The following ZNF469 variants were observed in gnomAD, a reference collection of about 807,000 sequenced individuals.
ZNF469 encodes the protein zinc finger protein 469.
ZNF469 carries 1 observed loss-of-function variant against 1.0 expected under a neutral mutation model. The observed-to-expected ratio is 1.00, with a 90% CI of 0.35 to 4.73. The LOEUF (loss-of-function observed/expected upper bound fraction) is 4.73, where lower values mean the gene tolerates loss of function less well. ZNF469 is among the 30% of genes most tolerant of loss of function. The pLI, the probability that ZNF469 is intolerant of heterozygous loss-of-function variation, is 0.16. For missense variants in ZNF469, 6,100 were observed against 5,356.3 expected (o/e 1.14, Z -4.33); for synonymous variants, 2,703 against 2,363.4 (o/e 1.14, Z -4.17).
chr16:88,158,911 A>C, the ZNF469 span, among the ~76,000 whole-genome samples: 1 of 152,006 alleles, frequency 6.6e-6, no homozygotes, highest in East Asian at 1.9e-4. Flanking sequence ...GCCTTCCGAC[A>C]TCCTCCTTCC....
chr16:88,336,531 C>T, the ZNF469 span, among the ~76,000 whole-genome samples: 24 of 149,160 alleles, frequency 1.6e-4, no homozygotes, highest in African/African-American at 5.0e-4. Context: ...TCATCCTTCA[C>T]GTGAGACACT....
At chr16:88,353,905 G>A in the ZNF469 span, among the ~76,000 whole-genome samples, 294 of 152,292 alleles carry the variant, frequency 1.9e-3, no homozygotes, top group African/African-American at 6.6e-3. Flanking sequence ...CCCTGCTGTT[G>A]GCCTCTAGGC....
At chr16:88,311,966 A>G in the ZNF469 span, among the ~76,000 whole-genome samples, 8 of 152,212 alleles carry the variant, frequency 5.3e-5, no homozygotes, top group Non-Finnish European at 1.0e-4. Flanking sequence ...TGGGTAATTT[A>G]TAAAGGAAAG....
rs988457783 is a variant in ZNF469 at position 88,439,253 on chromosome 16, A to T, written c.11783A>T (p.Gln3928Leu). 3.2e-6 allele frequency: 5 copies of T among 1,550,404 alleles called. No individual in the cohort carries two copies. The African/African-American group carries it at 6.8e-5, about 21-fold the overall frequency. The change falls in exon 3 of 3, where the codon CAG becomes CTG. Residue 3928 changes from glutamine to leucine, a missense_variant. Transcript: ENST00000565624. ...CACACCCACCGGACGGCCGAGGCCC[A>T]GAGTGACCTCCTCAGCCAGCTCTTC... ...EPHTHRTAEA[Q>L]SDLLSQLFGQ... is the part of the protein sequence containing the mutation.
the ZNF469 span, among the ~76,000 whole-genome samples, chr16:88,159,780 G>A: frequency 2.0e-5 from 3 of 152,234 alleles, no homozygotes; most frequent in Middle Eastern, 3.4e-3. Flanking sequence ...ACAGACACAT[G>A]GGCAGCCATC....
In ZNF469 at chr16:88,429,340, C is replaced by G. The variant is rs759028761; in HGVS notation, c.1870C>G (p.Gln624Glu). The G allele has an allele frequency of 1.3e-6, 2 of 1,549,832 alleles. No homozygotes were observed. Among genetic ancestry groups the G allele is most frequent in the African/African-American group, 2.7e-5 (2 of 73,024 alleles). ...SPANPSSEES[Q>E]LPGPLGPSAF... ...AGCCAACCCCAGCTCAGAGGAAAGC[C>G]AGCTCCCCGGCCCCCTCGGGCCCTC... The change falls in exon 3 of 3, where the codon CAG (glutamine) becomes GAG (glutamate). Residue 624 changes from glutamine to glutamate, a missense_variant. By Grantham distance (29) the Gln-to-Glu change is conservative. Transcript: ENST00000565624.
the ZNF469 span, among the ~76,000 whole-genome samples, chr16:88,170,748 G>A: frequency 1.4e-4 from 22 of 152,284 alleles, no homozygotes; most frequent in African/African-American, 5.3e-4. The surrounding 1 kb of genome is among the most constrained non-coding windows in gnomAD (Gnocchi z 4.2). Flanking sequence ...TCTCAATGTT[G>A]TACTGATTTC....
the ZNF469 span, among the ~76,000 whole-genome samples, chr16:88,173,211 AAGC>A: frequency 1.1e-4 from 16 of 152,304 alleles, no homozygotes; most frequent in African/African-American, 3.6e-4. Context: ...GAAATCTTAG[AAGC>A]AGCCAGATAA....
At chr16:88,327,145 C>T in the ZNF469 span, among the ~76,000 whole-genome samples, 338 of 152,316 alleles carry the variant, frequency 2.2e-3, 2 homozygotes, top group African/African-American at 7.6e-3. Context: ...CAAATAGTGT[C>T]CCTCGTACTG....
At chr16:88,392,749 A>C (rs1301856071) in intron 1 of ZNF469, among the ~76,000 whole-genome samples, 1 of 152,158 alleles carries the variant, frequency 6.6e-6, no homozygotes, top group Non-Finnish European at 1.5e-5. Context: ...TGCTCTTGCT[A>C]TTCATCTCCA....
the ZNF469 span, among the ~76,000 whole-genome samples, chr16:88,186,631 C>T: frequency 1.2e-3 from 178 of 152,248 alleles, no homozygotes; most frequent in African/African-American, 4.0e-3. Context: ...GCTCCCAAAG[C>T]GCAGCGGGCC....
At chr16:88,376,849 G>A in the ZNF469 span, among the ~76,000 whole-genome samples, 4 of 152,320 alleles carry the variant, frequency 2.6e-5, no homozygotes, top group South Asian at 8.3e-4. Context: ...AGGGCAGCCA[G>A]GAAGTGCAGG....
At chr16:88,300,056 C>A in the ZNF469 span, among the ~76,000 whole-genome samples, 10 of 152,180 alleles carry the variant, frequency 6.6e-5, no homozygotes, top group Non-Finnish European at 1.5e-4. Context: ...GAGGAAGGAA[C>A]GGGAGAAGGG....
the ZNF469 span, among the ~76,000 whole-genome samples, chr16:88,305,625 C>T: frequency 6.7e-6 from 1 of 149,872 alleles, no homozygotes; most frequent in African/African-American, 2.4e-5. Flanking sequence ...CCCTCACGTG[C>T]ACACACATTC....
the ZNF469 span, chr16:88,177,404 C>T: frequency 6.6e-6 from 1 of 152,372 alleles, no homozygotes; most frequent in Admixed American, 6.5e-5. This position sits in a 1 kb window ranked among gnomAD's most constrained non-coding sequence, Gnocchi z 4.8. Flanking sequence ...AGTCCTCACC[C>T]CCCACTGGCA....
chr16:88,436,282 T>C lies in ZNF469; in HGVS notation c.8812T>C (p.Phe2938Leu). ...GGATCCCGCAGGTCTGCCCGAGTCC[T>C]TCCTCCTGGATGGGTTCCTCAATAG... ...DEDPAGLPES[F>L]LLDGFLNSRV... Residue 2938 changes from phenylalanine (F) to leucine (L), a missense_variant, in exon 3 of 3, where the codon TTC becomes CTC. By Grantham distance (22) the Phe-to-Leu change is conservative. Transcript: ENST00000565624. 1 of 1,550,000 alleles carries C rather than the reference T, an allele frequency of 6.5e-7. No individual in the cohort carries two copies. Among genetic ancestry groups the C allele is most frequent in the Non-Finnish European group, 8.7e-7 (1 of 1,146,842 alleles).
At chr16:88,390,877 G>A (rs1904474481) in intron 1 of ZNF469, among the ~76,000 whole-genome samples, 1 of 152,248 alleles carries the variant, frequency 6.6e-6, no homozygotes, top group South Asian at 2.1e-4. Flanking sequence ...AAAGGAAGCA[G>A]CATAGGCAAA....
chr16:88,270,225 C>T, the ZNF469 span, among the ~76,000 whole-genome samples: 1 of 152,214 alleles, frequency 6.6e-6, no homozygotes, highest in Non-Finnish European at 1.5e-5. Flanking sequence ...GCTCCCCACC[C>T]TGGGCCCAGG....
rs1229855515 is a variant in ZNF469 at position 88,437,316 on chromosome 16, A to T, written c.9846A>T (p.Pro3282=). Residue 3282 remains proline (P), a synonymous_variant, in exon 3 of 3, where the codon CCA becomes CCT. Transcript: ENST00000565624. ...GGGCACGCAGCACCCCCAGCAACCCAGACGGGGCCGCGACCCCAGACAGCG... is the reference window on the plus strand; with the variant it reads ...GGGCACGCAGCACCCCCAGCAACCCTGACGGGGCCGCGACCCCAGACAGCG... The part of the protein sequence containing the change: ...KPRARSTPSN[P]DGAATPDSAS... 14 of 1,547,248 alleles carry T rather than the reference A, an allele frequency of 9.0e-6. No homozygotes were observed. The South Asian group carries it at 1.5e-4, about 17-fold the overall frequency.
Sources: allele counts gnomAD v4.1 joint callset (sites outside exome capture counted in the v4.1 genomes callset), GRCh38; gene constraint gnomAD v4.1.1; non-coding constraint Gnocchi (gnomAD v3.1); transcripts MANE v1.5; gene names NCBI Gene and HGNC (gene_info 2026-07-23, HGNC 2026-07-21).